Variants in BCL2L11 observed in about 807,000 individuals in gnomAD.
BCL2L11 encodes bcl-2-like protein 11.
A neutral mutation model predicts 20.6 loss-of-function variants in BCL2L11; 15 were observed. The ratio of observed to expected loss-of-function variants is 0.73; its 90% confidence interval spans 0.49 to 1.12. The LOEUF is 1.12. BCL2L11 is among the 50% of genes most tolerant of loss of function. The pLI is 0.00. For missense variants in BCL2L11, 292 were observed against 260.9 expected (o/e 1.12, Z -0.82); for synonymous variants, 108 against 92.8 (o/e 1.16, Z -0.94).
At chr2:111,128,761 A>G in intron 2 of BCL2L11, 4 of 1,544,652 alleles carry the variant, frequency 2.6e-6, no homozygotes, top group Non-Finnish European at 2.6e-6. Context: ...ATACCTTTTT[A>G]TAGCCACAGC....
chr2:111,161,339 G>C, intron 3 of BCL2L11: 8 of 1,496,552 alleles, frequency 5.3e-6, no homozygotes, highest in Non-Finnish European at 7.3e-6. Context: ...AAAAACGCTT[G>C]TAATCAGGAA....
intron 2 of BCL2L11, among the ~76,000 whole-genome samples, chr2:111,144,298 G>A (rs2076220639): frequency 6.6e-6 from 1 of 152,162 alleles, no homozygotes; most frequent in African/African-American, 2.4e-5. Flanking sequence ...GTGGCTCAGC[G>A]GAATTGATTG....
rs138706378 is a variant in BCL2L11, at chr2:111,164,187, C to G, written c.553C>G (p.Arg185Gly). The change falls in exon 4 of 4, where the codon CGA becomes GGA. Residue 185 changes from arginine (R) to glycine (G), a missense_variant. Transcript: ENST00000393256. ...AGACCACCCACGAATGGTTATCTTACGACTGTTACGTTACATTGTCCGCCT... is the reference window on the plus strand; with the variant it reads ...AGACCACCCACGAATGGTTATCTTAGGACTGTTACGTTACATTGTCCGCCT... ...AEDHPRMVIL[R>G]LLRYIVRLVW... 1.4e-5 allele frequency: 23 copies of G among 1,594,932 alleles called. No individual in the cohort carries two copies. In the Admixed American group the frequency reaches 2.4e-4, roughly 16 times the overall value.
At position 111,123,401 on chromosome 2, in the gene BCL2L11, G is replaced by C. The variant is rs927125549; in HGVS notation, c.-13-332G>C. 3.0e-5 allele frequency: 30 copies of C among 985,456 alleles called. No homozygotes were observed. In the Admixed American group the frequency reaches 1.4e-3, roughly 46 times the overall value. The allele number at this position is 985,456 out of a possible 1,614,324, so 61.0% of individuals were successfully genotyped here. ...GAAGTCAGAGCCGCTGGGAGTTTCT[G>C]ACTTACTCGAAGAAGTCTGTCCTGG... On this transcript the variant is annotated intron_variant, in intron 1 of 3. Coordinates refer to ENST00000393256, the MANE Select transcript of BCL2L11 (RefSeq NM_138621.5).
intron 2 of BCL2L11, among the ~76,000 whole-genome samples, chr2:111,139,338 T>G (rs2075429878): frequency 6.6e-6 from 1 of 152,160 alleles, no homozygotes; most frequent in Non-Finnish European, 1.5e-5. Flanking sequence ...CCCATTTGAT[T>G]TGGCAGAAAC....
At chr2:111,152,190 T>C (rs1485273185) in intron 3 of BCL2L11, among the ~76,000 whole-genome samples, 4 of 152,242 alleles carry the variant, frequency 2.6e-5, no homozygotes, top group Admixed American at 6.5e-5. Flanking sequence ...TGGAGACATC[T>C]CTGAACCTAG....
At chr2:111,144,057 C>T (rs1038150989) in intron 2 of BCL2L11, among the ~76,000 whole-genome samples, 4 of 152,152 alleles carry the variant, frequency 2.6e-5, no homozygotes, top group Non-Finnish European at 4.4e-5. Flanking sequence ...ACCATGGCTC[C>T]ATAAAGGCAA....
intron 2 of BCL2L11, among the ~76,000 whole-genome samples, chr2:111,134,047 C>A (rs13396421): frequency 0.014 from 2,124 of 151,670 alleles, 53 homozygotes; most frequent in African/African-American, 0.047. Context: ...TTTCACTTTC[C>A]ATCTGCATAT....
At chr2:111,145,845 T>G in intron 2 of BCL2L11, 1 of 369,140 alleles carries the variant, frequency 2.7e-6, no homozygotes, top group Non-Finnish European at 3.8e-6. Flanking sequence ...AGTTTGAAGA[T>G]TCAGTGGACA....
intron 3 of BCL2L11, among the ~76,000 whole-genome samples, chr2:111,160,318 C>CTTTA (rs2078404584): frequency 6.6e-6 from 1 of 152,180 alleles, no homozygotes. Context: ...ATTGTCCTTA[C>CTTTA]TTTATTATCT....
At chr2:111,150,894 G>C (rs2077172344) in intron 3 of BCL2L11, among the ~76,000 whole-genome samples, 1 of 121,612 alleles carries the variant, frequency 8.2e-6, no homozygotes, top group African/African-American at 3.1e-5. Flanking sequence ...TTGTTTGTTT[G>C]TTTGTTTGTT....
Position 111,156,045 on chromosome 2 carries a change from T to G in BCL2L11, c.498+5898T>G, listed in dbSNP as rs11894792. On this transcript the variant is annotated intron_variant, in intron 3 of 3. Coordinates refer to ENST00000393256, the MANE Select transcript of BCL2L11 (RefSeq NM_138621.5). ...CCTTCTTGAGAAGTGAAATCCCCAG[T>G]GCTATCTCATTCTTGTTTTTATAAA... Among the ~76,000 whole-genome samples the G allele has an allele frequency of 5.0e-3, 765 of 152,350 alleles. 5 individuals carry two copies. Among genetic ancestry groups the G allele is most frequent in the African/African-American group, 0.018 (734 of 41,582 alleles).
Position 111,164,165 on chromosome 2 carries a change from C to T in BCL2L11, c.531C>T (p.Asp177=), listed in dbSNP as rs538974260. Reference sequence around the variant, plus strand: ...TGAATAATTACCAAGCAGCCGAAGACCACCCACGAATGGTTATCTTACGAC... The same window carrying T: ...TGAATAATTACCAAGCAGCCGAAGATCACCCACGAATGGTTATCTTACGAC... ...VFLNNYQAAE[D]HPRMVILRLL... is the part of the protein sequence containing the mutation. Residue 177 remains aspartate, a synonymous_variant, in exon 4 of 4, where the codon GAC becomes GAT. Coordinates refer to ENST00000393256, the MANE Select transcript of BCL2L11 (RefSeq NM_138621.5). The T allele has an allele frequency of 1.9e-6, 3 of 1,580,018 alleles. No homozygotes were observed. In the South Asian group the frequency reaches 3.3e-5, roughly 17 times the overall value.
chr2:111,132,350 T>C (rs1355445684), intron 2 of BCL2L11: 1 of 152,220 alleles, frequency 6.6e-6, no homozygotes, highest in Non-Finnish European at 1.5e-5. Flanking sequence ...GGTTCTTCTT[T>C]AGAGACTTGT....
intron 2 of BCL2L11, chr2:111,131,769 G>T (rs1464943186): frequency 6.6e-6 from 1 of 152,072 alleles, no homozygotes; most frequent in East Asian, 1.9e-4. Context: ...AGATGAGATG[G>T]TAGATCCGTG....
intron 2 of BCL2L11, among the ~76,000 whole-genome samples, chr2:111,127,894 G>A (rs1035909516): frequency 2.6e-4 from 39 of 152,224 alleles, no homozygotes; most frequent in African/African-American, 9.1e-4. Flanking sequence ...GTTACATGTT[G>A]AAATGGTGTT....
chr2:111,161,470 A>G (rs1358206138), intron 3 of BCL2L11: 1 of 1,550,456 alleles, frequency 6.4e-7, no homozygotes, highest in Non-Finnish European at 8.7e-7. Context: ...GACTTATTGG[A>G]CACTAGGCGG....
At chr2:111,131,812 C>T (rs1282541293) in intron 2 of BCL2L11, 1 of 151,904 alleles carries the variant, frequency 6.6e-6, no homozygotes, top group Admixed American at 6.6e-5. Context: ...GGCTTATGAG[C>T]CATAGGGAAA....
rs1458890326 is a variant in BCL2L11, at chr2:111,167,454, A to T, written c.*3223A>T. 1 of 152,314 alleles carries T rather than the reference A, an allele frequency of 6.6e-6. No homozygotes were observed. Among genetic ancestry groups the T allele is most frequent in the Non-Finnish European group, 1.5e-5 (1 of 68,048 alleles). The allele number at this position is 152,314 out of a possible 1,614,324, so 9.4% of individuals were successfully genotyped here. A position where few individuals can be genotyped will look rare whatever the true frequency, so the allele number is the denominator to read the frequency against. ...GCAAATTTTGCTGACTCCAGGCTTT[A>T]TCTTTAGGAAAACAAAAAAACCAAA... is the stretch of plus-strand genomic sequence containing the variant. On this transcript the variant is annotated 3_prime_UTR_variant, in exon 4 of 4. Coordinates refer to ENST00000393256, the MANE Select transcript of BCL2L11 (RefSeq NM_138621.5).
Sources: allele counts gnomAD v4.1 joint callset (sites outside exome capture counted in the v4.1 genomes callset), GRCh38; gene constraint gnomAD v4.1.1; transcripts MANE v1.5; gene names NCBI Gene and HGNC (gene_info 2026-07-23, HGNC 2026-07-21).